The following ACTR3C variants were observed in gnomAD, a reference collection of about 807,000 sequenced individuals.
ACTR3C encodes actin-related protein 3C.
ACTR3C carries 18 observed loss-of-function variants against 26.3 expected under a neutral mutation model. The ratio of observed to expected loss-of-function variants is 0.68; its 90% CI spans 0.47 to 1.01. The LOEUF (loss-of-function observed/expected upper bound fraction) is 1.01. ACTR3C is among the 50% of genes least tolerant of loss of function. The pLI is 0.00. For synonymous variants in ACTR3C, 55 were observed against 94.5 expected (o/e 0.58, Z 2.42); for missense variants, 184 against 250.7 (o/e 0.73, Z 1.80).
the ACTR3C span, among the ~76,000 whole-genome samples, chr7:150,163,658 GT>G: frequency 6.6e-6 from 1 of 152,042 alleles, no homozygotes; most frequent in African/African-American, 2.4e-5. Context: ...AGGAAAGCCA[GT>G]GGTATAATTC....
chr7:149,993,229 A>T, the ACTR3C span, among the ~76,000 whole-genome samples: 1 of 148,662 alleles, frequency 6.7e-6, no homozygotes, highest in Admixed American at 6.7e-5. Flanking sequence ...GAAATCACAC[A>T]TTACCAGCTA....
the ACTR3C span, among the ~76,000 whole-genome samples, chr7:149,934,475 T>C: frequency 1.7e-4 from 26 of 152,352 alleles, no homozygotes; most frequent in Middle Eastern, 3.4e-3. Flanking sequence ...CAAGAGGTTA[T>C]TCACATTTAA....
chr7:150,066,202 C>T, the ACTR3C span, among the ~76,000 whole-genome samples: 1 of 152,048 alleles, frequency 6.6e-6, no homozygotes, highest in Non-Finnish European at 1.5e-5. Context: ...CCATACATTG[C>T]TTCAGGGGAC....
intron 1 of ACTR3C, among the ~76,000 whole-genome samples, chr7:150,303,462 T>C (rs1795588633): frequency 6.6e-6 from 1 of 152,374 alleles, no homozygotes; most frequent in Non-Finnish European, 1.5e-5. Flanking sequence ...AAACTACTGC[T>C]TTTATACTTC....
chr7:150,035,843 T>A, the ACTR3C span, among the ~76,000 whole-genome samples: 2 of 104,462 alleles, frequency 1.9e-5, 1 homozygote, highest in Admixed American at 1.8e-4. Context: ...GGGTTGCCTC[T>A]CCCCCCCTGC....
the ACTR3C span, among the ~76,000 whole-genome samples, chr7:150,148,455 C>A: frequency 1.1e-4 from 16 of 151,938 alleles, no homozygotes; most frequent in Admixed American, 3.3e-4. Flanking sequence ...CCAGCCTGGG[C>A]GACAGAGCAA....
the ACTR3C span, among the ~76,000 whole-genome samples, chr7:150,175,791 G>A: frequency 7.3e-6 from 1 of 137,420 alleles, no homozygotes; most frequent in Non-Finnish European, 1.5e-5. Flanking sequence ...CTCCAGCCTG[G>A]GAAACAGTGA....
intron 4 of ACTR3C, 143 bp downstream of exon 4, chr7:150,289,307 T>A (rs1219306700): frequency 1.5e-6 from 2 of 1,372,534 alleles, no homozygotes; most frequent in Non-Finnish European, 1.9e-6. Flanking sequence ...TCAGCCCACT[T>A]AAGGGGTAAA....
At chr7:150,211,069 C>G in the ACTR3C span, among the ~76,000 whole-genome samples, 1 of 149,938 alleles carries the variant, frequency 6.7e-6, no homozygotes, top group Non-Finnish European at 1.5e-5. Flanking sequence ...ATATGACAAA[C>G]ACCAATTAAG....
chr7:150,199,553 C>T, the ACTR3C span, among the ~76,000 whole-genome samples: 2 of 118,736 alleles, frequency 1.7e-5, no homozygotes, highest in African/African-American at 3.4e-5. Context: ...ACTATTGTCC[C>T]ATGACCCTGC....
At chr7:149,891,658 C>T in the ACTR3C span, among the ~76,000 whole-genome samples, 3 of 151,138 alleles carry the variant, frequency 2.0e-5, no homozygotes, top group South Asian at 6.4e-4. Context: ...GACACTGTCT[C>T]TACAAAAAAT....
At chr7:150,314,718 G>A (rs1215802518) in intron 1 of ACTR3C, among the ~76,000 whole-genome samples, 1 of 150,602 alleles carries the variant, frequency 6.6e-6, no homozygotes, top group African/African-American at 2.4e-5. Flanking sequence ...TGAGGTGGGT[G>A]GATCCCTTGA....
intron 2 of ACTR3C, among the ~76,000 whole-genome samples, chr7:150,294,926 T>C (rs1210311436): frequency 6.6e-6 from 1 of 151,724 alleles, no homozygotes; most frequent in African/African-American, 2.4e-5. Flanking sequence ...CTAAAGGTAA[T>C]TATTTTGTTT....
intron 5 of ACTR3C, 113 bp downstream of exon 5, chr7:150,286,254 G>T (rs1051935331): frequency 1.5e-6 from 2 of 1,346,758 alleles, no homozygotes; most frequent in East Asian, 4.7e-5. Context: ...CAGAGAGACC[G>T]AATGACGGCC....
At chr7:150,203,568 T>G in the ACTR3C span, among the ~76,000 whole-genome samples, 3 of 129,872 alleles carry the variant, frequency 2.3e-5, no homozygotes, top group African/African-American at 6.9e-5. Flanking sequence ...TTTTTTTCTG[T>G]TTTTTTTGTT....
chr7:150,244,882 T>G (rs1358186157), downstream of ACTR3C: 1 of 152,190 alleles, frequency 6.6e-6, no homozygotes, highest in African/African-American at 2.4e-5. Flanking sequence ...TAGAGAAGAC[T>G]GCAGGCTGGA....
intron 6 of ACTR3C, among the ~76,000 whole-genome samples, chr7:150,272,187 G>T (rs1834499856): frequency 7.0e-6 from 1 of 143,478 alleles, no homozygotes; most frequent in Non-Finnish European, 1.5e-5. Context: ...CTGAGAAAAT[G>T]ACATGGTTGA....
intron 2 of ACTR3C, among the ~76,000 whole-genome samples, chr7:150,294,275 G>A (rs1836543817): frequency 6.6e-6 from 1 of 152,236 alleles, no homozygotes; most frequent in Non-Finnish European, 1.5e-5. Flanking sequence ...AGAGGCCAGG[G>A]ATGCCGCTAC....
intron 1 of ACTR3C, among the ~76,000 whole-genome samples, chr7:150,321,332 T>G (rs1286540834): frequency 6.6e-6 from 1 of 152,252 alleles, no homozygotes; most frequent in Non-Finnish European, 1.5e-5. Context: ...ATAATTTTTC[T>G]TTTAGTGCCA....
Sources: gnomAD v4.1 joint callset for allele counts (sites outside exome capture counted in the v4.1 genomes callset) on GRCh38, gnomAD v4.1.1 for gene constraint, MANE v1.5 for transcripts, NCBI Gene and HGNC (gene_info 2026-07-23, HGNC 2026-07-21) for gene names.